The following NFKB1 variants were observed in gnomAD, a reference collection of about 807,000 sequenced individuals.
NFKB1 encodes the protein nuclear factor NF-kappa-B p105 subunit.
Under a neutral mutation model 105.1 loss-of-function variants are expected in NFKB1, and 9 were observed. The observed-to-expected ratio is 0.09, with a 90% CI of 0.05 to 0.15. NFKB1 has a LOEUF of 0.15. NFKB1 is among the 10% of genes least tolerant of loss of function. The pLI, the probability that NFKB1 is intolerant of heterozygous loss-of-function variation, is 1.00. For missense variants in NFKB1, 830 were observed against 1,203.7 expected (o/e 0.69, Z 4.59); for synonymous variants, 440 against 442.2 (o/e 1.00, Z 0.06).
intron 1 of NFKB1, among the ~76,000 whole-genome samples, chr4:102,520,570 G>T (rs1483951342): frequency 2.0e-5 from 3 of 152,268 alleles, no homozygotes; most frequent in Non-Finnish European, 4.4e-5. Flanking sequence ...ATGAAACATG[G>T]ATGTGGAAGT....
At chr4:102,608,608 T>G (rs1728052679) in intron 19 of NFKB1, among the ~76,000 whole-genome samples, 1 of 151,932 alleles carries the variant, frequency 6.6e-6, no homozygotes, top group African/African-American at 2.4e-5. Context: ...ATATGTGTAA[T>G]GAAATTGGCA....
intron 1 of NFKB1, among the ~76,000 whole-genome samples, chr4:102,506,201 A>AT (rs1047436780): frequency 1.4e-4 from 21 of 152,284 alleles, no homozygotes; most frequent in Admixed American, 1.4e-3. Context: ...GAAAAATGTA[A>AT]TTTTTTGGTG....
intron 5 of NFKB1, among the ~76,000 whole-genome samples, chr4:102,554,021 CT>C (rs570091843): frequency 6.6e-6 from 1 of 151,430 alleles, no homozygotes; most frequent in Non-Finnish European, 1.5e-5. Flanking sequence ...TGATGGTAAA[CT>C]TTTTTTTTGT....
chr4:102,578,556 T>C (rs896264998), intron 7 of NFKB1: 3 of 388,482 alleles, frequency 7.7e-6, no homozygotes, highest in African/African-American at 6.1e-5. Flanking sequence ...TCAATTCCAT[T>C]CCATCACATC....
intron 1 of NFKB1, among the ~76,000 whole-genome samples, chr4:102,522,759 T>G (rs374670123): frequency 1.3e-5 from 2 of 152,278 alleles, no homozygotes; most frequent in South Asian, 2.1e-4. Context: ...TCAGTCTAGA[T>G]CGACAGAAAG....
At chr4:102,579,897 C>G (rs1801) in intron 8 of NFKB1, among the ~76,000 whole-genome samples, 99,958 of 151,146 alleles carry the variant, frequency 0.66, 33,454 homozygotes, top group Middle Eastern at 0.75. Flanking sequence ...ATTTAAACAA[C>G]TTTGAAGGGA....
At chr4:102,563,618 C>G (rs1433058345) in intron 5 of NFKB1, among the ~76,000 whole-genome samples, 1 of 152,068 alleles carries the variant, frequency 6.6e-6, no homozygotes, top group African/African-American at 2.4e-5. Flanking sequence ...CACAACAACC[C>G]TTTGAGATAC....
intron 11 of NFKB1, among the ~76,000 whole-genome samples, chr4:102,589,432 T>G (rs1238233415): frequency 1.3e-5 from 2 of 152,132 alleles, no homozygotes; most frequent in African/African-American, 4.8e-5. Context: ...GGTCATCCCC[T>G]TCTAGTGGAA....
At chr4:102,584,841 C>T (rs771327083) in intron 11 of NFKB1, 21 bp downstream of exon 11, 1 of 1,572,248 alleles carries the variant, frequency 6.4e-7, no homozygotes, top group South Asian at 1.2e-5. Context: ...TGTTTAAAAT[C>T]TTATGCTCAT....
chr4:102,592,088 G>A (rs1462940152), intron 11 of NFKB1, among the ~76,000 whole-genome samples: 1 of 152,232 alleles, frequency 6.6e-6, no homozygotes, highest in East Asian at 1.9e-4. Context: ...AGAGCCTGAA[G>A]ATGAGACTGA....
intron 5 of NFKB1, among the ~76,000 whole-genome samples, chr4:102,548,396 A>G (rs555888905): frequency 1.7e-4 from 26 of 152,246 alleles, no homozygotes; most frequent in African/African-American, 5.5e-4. Flanking sequence ...TGGCAATTGT[A>G]TAATGCAGAT....
chr4:102,580,490 G>A (rs778968720), intron 8 of NFKB1, 45 bp from the exon 9 acceptor site: 2 of 1,537,488 alleles, frequency 1.3e-6, no homozygotes, highest in African/African-American at 1.4e-5. Flanking sequence ...GGCTTGTTGA[G>A]CTGAGGATTA....
rs553248692 is a variant in NFKB1, at chr4:102,577,146, T to C, written c.571+107T>C. On this transcript the variant is annotated intron_variant, in intron 7 of 23. Transcript: ENST00000226574. ...ATCCCTTCCAGTCTCTACCCCACAC[T>C]GCTGTCACCTTTTCCTTGCTCAGAA... The C allele has an allele frequency of 6.9e-6, 8 of 1,151,504 alleles. No individual in the cohort carries two copies. In the African/African-American group the frequency reaches 9.3e-5, roughly 13 times the overall value. 71.3% of individuals were successfully genotyped at this position (1,151,504 alleles called of 1,614,324 possible). A position where few individuals can be genotyped will look rare whatever the true frequency, so the allele number is the denominator to read the frequency against.
intron 2 of NFKB1, among the ~76,000 whole-genome samples, chr4:102,527,889 T>G: frequency 6.6e-6 from 1 of 152,172 alleles, no homozygotes; most frequent in Admixed American, 6.6e-5. Flanking sequence ...TAAAATCTGC[T>G]GAAAACATTC....
chr4:102,538,786 G>A (rs1484618310), intron 5 of NFKB1, among the ~76,000 whole-genome samples: 1 of 152,152 alleles, frequency 6.6e-6, no homozygotes, highest in African/African-American at 2.4e-5. Flanking sequence ...TTTTATAAAA[G>A]TTATTATTTA....
intron 11 of NFKB1, among the ~76,000 whole-genome samples, chr4:102,590,698 C>T (rs1015228998): frequency 3.3e-5 from 5 of 152,176 alleles, no homozygotes; most frequent in Non-Finnish European, 7.3e-5. Flanking sequence ...CTCTCCCTCT[C>T]CTCAGGCTTC....
chr4:102,513,045 A>G (rs1739886127), intron 1 of NFKB1, among the ~76,000 whole-genome samples: 2 of 152,224 alleles, frequency 1.3e-5, no homozygotes, highest in African/African-American at 4.8e-5. Flanking sequence ...GAATATTCCA[A>G]AATGGTACTC....
intron 15 of NFKB1, among the ~76,000 whole-genome samples, chr4:102,599,146 T>C (rs1484066596): frequency 6.6e-6 from 1 of 152,074 alleles, no homozygotes; most frequent in Admixed American, 6.5e-5. Flanking sequence ...GGAGGGGGAA[T>C]GTACTTCTGC....
chr4:102,612,101 C>T lies in NFKB1; in HGVS notation c.2410C>T (p.Leu804=). 2.5e-6 allele frequency: 4 copies of T among 1,613,802 alleles called. No homozygotes were observed. Among genetic ancestry groups the T allele is most frequent in the Non-Finnish European group, 3.4e-6 (4 of 1,179,746 alleles). The change falls in exon 21 of 24, where the codon CTA becomes TTA. Residue 804 remains leucine, a synonymous_variant. Coordinates refer to ENST00000226574, the MANE Select transcript of NFKB1 (RefSeq NM_003998.4). Reference sequence around the variant, plus strand: ...GCCAGAGTTTACATCTGATGATTTACTAGCACAAGGTGGGTTGTGATAAAA... The same window carrying T: ...GCCAGAGTTTACATCTGATGATTTATTAGCACAAGGTGGGTTGTGATAAAA... The part of the protein sequence containing the change: ...YEPEFTSDDL[L]AQGDMKQLAE...
Sources: allele counts gnomAD v4.1 joint callset (sites outside exome capture counted in the v4.1 genomes callset), GRCh38; gene constraint gnomAD v4.1.1; transcripts MANE v1.5; gene names NCBI Gene and HGNC (gene_info 2026-07-23, HGNC 2026-07-21).